SLC22A25: variants seen among roughly 807,000 people sequenced by gnomAD.
SLC22A25 encodes solute carrier family 22 member 25, also known as MGI:2442751, MGI:2385316, MGI:3042283, MGI:3645714, MGI:3605624, MGI:2442750.
In SLC22A25, 44 loss-of-function variants were observed where a neutral mutation model predicts 45.9. The ratio of observed to expected loss-of-function variants is 0.96; its 90% CI spans 0.75 to 1.23. SLC22A25 has a LOEUF of 1.23. SLC22A25 is among the 50% of genes most tolerant of loss of function. The pLI is 0.00. For missense variants in SLC22A25, 800 were observed against 666.4 expected, an observed-to-expected ratio of 1.20 and a Z score of -2.21; for synonymous variants, 283 against 238.6, an observed-to-expected ratio of 1.19 and a Z score of -1.72.
chr11:63,174,202 T>C (rs2088001681), intron 9 of SLC22A25, among the ~76,000 whole-genome samples: 1 of 152,156 alleles, frequency 6.6e-6, no homozygotes, highest in Non-Finnish European at 1.5e-5. Flanking sequence ...GTTTCCAGCT[T>C]CATCCATGTC....
intron 7 of SLC22A25, among the ~76,000 whole-genome samples, chr11:63,211,653 T>C (rs1194660002): frequency 6.6e-6 from 1 of 152,082 alleles, no homozygotes; most frequent in East Asian, 1.9e-4. Context: ...TTACACCTTA[T>C]ACAAAAATTA....
chr11:63,210,663 A>G (rs1244470669), intron 7 of SLC22A25, among the ~76,000 whole-genome samples: 4 of 152,106 alleles, frequency 2.6e-5, no homozygotes, highest in Admixed American at 6.5e-5. Context: ...TGGGGAGCCT[A>G]TGGTGTCTAT....
Position 63,180,791 on chromosome 11 carries a change from A to G in SLC22A25, c.955-16T>C, listed in dbSNP as rs753492454. 1.3e-6 allele frequency: 2 copies of G among 1,591,576 alleles called. No individual in the cohort carries two copies. Among genetic ancestry groups the G allele is most frequent in the Non-Finnish European group, 1.7e-6 (2 of 1,161,176 alleles). On this transcript the variant is annotated splice_polypyrimidine_tract_variant and intron_variant, in intron 8 of 11. Transcript: ENST00000306494. ...ATTTCAAAACCTTCAACAACAACAG[A>G]AGCAATAAACTGTTCAGTTGTCACA...
At chr11:63,184,973 G>A (rs545105868) in intron 7 of SLC22A25, among the ~76,000 whole-genome samples, 1 of 152,018 alleles carries the variant, frequency 6.6e-6, no homozygotes, top group Non-Finnish European at 1.5e-5. Flanking sequence ...GAAGTTCACT[G>A]AGCTACAGGA....
At chr11:63,211,729 G>A (rs1172500019) in intron 7 of SLC22A25, among the ~76,000 whole-genome samples, 1 of 150,574 alleles carries the variant, frequency 6.6e-6, no homozygotes, top group Non-Finnish European at 1.5e-5. Context: ...AGAAAACCTA[G>A]GCAATACCAT....
chr11:63,227,060 G>A (rs531196659), intron 5 of SLC22A25, among the ~76,000 whole-genome samples: 7 of 152,266 alleles, frequency 4.6e-5, no homozygotes, highest in African/African-American at 1.7e-4. Context: ...CTGGCCCAGA[G>A]TAGGTCTAGA....
At position 63,229,963 on chromosome 11, in the gene SLC22A25, T is replaced by G. The variant is rs1342028374; in HGVS notation, c.-311A>C. Reference sequence around the variant, plus strand: ...TCTACTTATTGATGTCTTTAGTAGCTCCCCAATAGCAGCATTGAACTTTGG... The same window carrying G: ...TCTACTTATTGATGTCTTTAGTAGCGCCCCAATAGCAGCATTGAACTTTGG... On this transcript the variant is annotated 5_prime_UTR_variant, in exon 4 of 12. Coordinates refer to ENST00000306494, the MANE Select transcript of SLC22A25 (RefSeq NM_199352.6). Among the ~76,000 whole-genome samples the G allele has an allele frequency of 6.6e-6, 1 of 152,200 alleles. No homozygotes were observed. The highest frequency in any genetic ancestry group is 2.4e-5 in the African/African-American group (1 of 41,448).
At chr11:63,205,523 C>T (rs1000488573) in intron 7 of SLC22A25, among the ~76,000 whole-genome samples, 1 of 152,134 alleles carries the variant, frequency 6.6e-6, no homozygotes, top group African/African-American at 2.4e-5. Context: ...ATATTATAAA[C>T]AACCCTATGC....
chr11:63,187,339 C>A (rs1295370681), intron 7 of SLC22A25, among the ~76,000 whole-genome samples: 1 of 149,434 alleles, frequency 6.7e-6, no homozygotes, highest in African/African-American at 2.5e-5. Context: ...TGATTTGGCT[C>A]TCTGTTTGTC....
At chr11:63,217,178 T>G in intron 7 of SLC22A25, 136 bp downstream of exon 7, 1 of 906,700 alleles carries the variant, frequency 1.1e-6, no homozygotes, top group Non-Finnish European at 1.5e-6. Context: ...TTTTGCTTCT[T>G]GAATTGCATA....
At chr11:63,218,912 G>T (rs976537167) in intron 5 of SLC22A25, among the ~76,000 whole-genome samples, 6 of 152,132 alleles carry the variant, frequency 3.9e-5, no homozygotes, top group African/African-American at 1.4e-4. Context: ...AAAAGCAAAA[G>T]ATAGAAAAAT....
In SLC22A25 at chr11:63,217,635, G is replaced by A. The variant is rs762029744; in HGVS notation, c.607C>T (p.Arg203Cys). The A allele has an allele frequency of 3.7e-5, 59 of 1,613,858 alleles. No individual in the cohort carries two copies. Among genetic ancestry groups the A allele is most frequent in the Admixed American group, 5.0e-5 (3 of 59,900 alleles). The change falls in exon 6 of 12, where the codon CGC becomes TGC. Residue 203 changes from arginine to cysteine, a missense_variant. Transcript: ENST00000306494. ...AATGTAGCAGCCCCAGCCAAGAAGC[G>A]CAGGGAGCAGTATACGAGGATGGTG... The part of the protein sequence containing the change: ...APTILVYCSL[R>C]FLAGAATFSI...
Position 63,160,510 on chromosome 11 carries a change from T to G in SLC22A25, c.*3314A>C, listed in dbSNP as rs2087524631. ...ATGCCTGGATGCCCAGGTAGAAGTT[T>G]GCTGCAGGGGTGGGGTCCTCATGGA... is the stretch of plus-strand genomic sequence containing the variant. On this transcript the variant is annotated 3_prime_UTR_variant, in exon 12 of 12. Coordinates refer to ENST00000306494, the MANE Select transcript of SLC22A25 (RefSeq NM_199352.6). 6.6e-6 allele frequency among the ~76,000 whole-genome samples: 1 copy of G among 152,188 alleles called. No individual in the cohort carries two copies. Among genetic ancestry groups the G allele is most frequent in the African/African-American group, 2.4e-5 (1 of 41,464 alleles).
rs185790854 is a variant in SLC22A25, at chr11:63,206,130, G to A, written c.830+11184C>T. Reference sequence around the variant, plus strand: ...TCAATAAACTAGTTATTGATGGAACGTATCTCAAAATAATAGCAGCTATTT... The same window carrying A: ...TCAATAAACTAGTTATTGATGGAACATATCTCAAAATAATAGCAGCTATTT... On this transcript the variant is annotated intron_variant, in intron 7 of 11. Coordinates refer to ENST00000306494, the MANE Select transcript of SLC22A25 (RefSeq NM_199352.6). 4.1e-3 allele frequency among the ~76,000 whole-genome samples: 628 copies of A among 152,252 alleles called. 3 individuals are homozygous for A. The highest frequency in any genetic ancestry group is 8.3e-3 in the African/African-American group (343 of 41,532).
chr11:63,198,749 A>G (rs2089143099), intron 7 of SLC22A25, among the ~76,000 whole-genome samples: 1 of 152,104 alleles, frequency 6.6e-6, no homozygotes, highest in South Asian at 2.1e-4. Context: ...AAGACAAGAA[A>G]TTTATTCAAA....
At chr11:63,186,300 A>G (rs1452474814) in intron 7 of SLC22A25, among the ~76,000 whole-genome samples, 51 of 150,974 alleles carry the variant, frequency 3.4e-4, no homozygotes, top group African/African-American at 9.2e-4. Flanking sequence ...GCCAGTGATT[A>G]TGAGCATTTT....
At position 63,217,176 on chromosome 11, in the gene SLC22A25, C is replaced by A. The variant is rs932808083; in HGVS notation, c.830+138G>T. On this transcript the variant is annotated intron_variant, in intron 7 of 11. Transcript: ENST00000306494. ...TCAGGAAACCCTTTGTGTTTTGCTTCTTGAATTGCATATTTAGCACAGATT... is the reference window on the plus strand; with the variant it reads ...TCAGGAAACCCTTTGTGTTTTGCTTATTGAATTGCATATTTAGCACAGATT... The A allele has an allele frequency of 1.5e-5, 13 of 883,536 alleles. No homozygotes were observed. In the African/African-American group the frequency reaches 1.5e-4, roughly 10 times the overall value. 54.7% of individuals were successfully genotyped at this position (883,536 alleles called of 1,614,324 possible).
rs552853591 is a variant in SLC22A25, at chr11:63,243,599, T to A, written c.-1161A>T. 2 of 766,404 alleles carry A rather than the reference T, an allele frequency of 2.6e-6. No individual in the cohort carries two copies. Among genetic ancestry groups the A allele is most frequent in the Non-Finnish European group, 4.9e-6 (2 of 411,198 alleles). 47.5% of individuals were successfully genotyped at this position (766,404 alleles called of 1,614,324 possible). On this transcript the variant is annotated 5_prime_UTR_variant, in exon 1 of 12. Coordinates refer to ENST00000306494, the MANE Select transcript of SLC22A25 (RefSeq NM_199352.6). ...CATCAAGCCTCAGGAGCTGCTGGAG[T>A]GGGAACTGGTGGTGTTGGGAAAGTT...
chr11:63,220,358 G>A (rs2089826059), intron 5 of SLC22A25, among the ~76,000 whole-genome samples: 1 of 152,180 alleles, frequency 6.6e-6, no homozygotes, highest in Admixed American at 6.5e-5. Flanking sequence ...TGCTGAGGCT[G>A]AATTCCATGT....
Sources: gnomAD v4.1 joint callset for allele counts (sites outside exome capture counted in the v4.1 genomes callset) on GRCh38, gnomAD v4.1.1 for gene constraint, MANE v1.5 for transcripts, NCBI Gene and HGNC (gene_info 2026-07-23, HGNC 2026-07-21) for gene names.